Variants in LRBA observed in about 807,000 individuals in gnomAD.
LRBA encodes the protein lipopolysaccharide-responsive and beige-like anchor protein.
Under a neutral mutation model 330.0 loss-of-function variants are expected in LRBA, and 176 were observed. The ratio of observed to expected loss-of-function variants is 0.53; its 90% confidence interval spans 0.47 to 0.60. LRBA has a LOEUF of 0.60. Ranked by LOEUF, LRBA falls within the 20% of genes least tolerant of loss-of-function variation. The probability of loss-of-function intolerance (pLI) is 0.00; values close to 1 mark genes in which losing one functional copy is unlikely to be tolerated. For missense variants in LRBA, 3,259 were observed against 3,444.8 expected (o/e 0.95, Z 1.35); for synonymous variants, 1,230 against 1,193.0 (o/e 1.03, Z -0.64).
intron 41 of LRBA, among the ~76,000 whole-genome samples, chr4:150,489,335 TA>T (rs1160689465): frequency 1.4e-5 from 1 of 72,654 alleles, no homozygotes; most frequent in African/African-American, 6.0e-5. Flanking sequence ...ATATTACATA[TA>T]AGAATATAAA....
intron 34 of LRBA, among the ~76,000 whole-genome samples, chr4:150,792,634 T>G (rs1740126064): frequency 6.6e-6 from 1 of 152,058 alleles, no homozygotes; most frequent in Non-Finnish European, 1.5e-5. Flanking sequence ...GCATCCAGAG[T>G]AGCTAGGTCT....
intron 36 of LRBA, among the ~76,000 whole-genome samples, chr4:150,731,369 G>T (rs1360527232): frequency 6.6e-6 from 1 of 152,128 alleles, no homozygotes; most frequent in Non-Finnish European, 1.5e-5. Context: ...GTTTACAATG[G>T]CTAAGATTTA....
chr4:150,399,369 A>G (rs1233254765), intron 47 of LRBA, among the ~76,000 whole-genome samples: 2 of 152,190 alleles, frequency 1.3e-5, no homozygotes, highest in East Asian at 3.9e-4. Flanking sequence ...AAGATGCTCA[A>G]GCTCTGCTGT....
At chr4:150,494,083 C>G (rs1759280195) in intron 40 of LRBA, among the ~76,000 whole-genome samples, 1 of 151,642 alleles carries the variant, frequency 6.6e-6, no homozygotes, top group Admixed American at 6.6e-5. Context: ...CATCCTGTCT[C>G]TAAAAAAAGA....
chr4:150,562,336 A>T (rs1768469500), intron 40 of LRBA, among the ~76,000 whole-genome samples: 1 of 152,226 alleles, frequency 6.6e-6, no homozygotes, highest in Admixed American at 6.6e-5. Flanking sequence ...AAGGATATAC[A>T]TACATACATA....
At chr4:150,902,888 G>A (rs537036802) in intron 13 of LRBA, among the ~76,000 whole-genome samples, 9 of 152,264 alleles carry the variant, frequency 5.9e-5, no homozygotes, top group Non-Finnish European at 1.3e-4. Flanking sequence ...TCTATCAGCA[G>A]TCAAGACTGA....
In LRBA at chr4:150,953,815, G is replaced by A. The variant is rs546335294; in HGVS notation, c.217-24750C>T. ...TAGGAAGTGAGAAGCGTCTCTGCCCGGCCGCCCATCATCTGGGATGTGAGG... is the reference window on the plus strand; with the variant it reads ...TAGGAAGTGAGAAGCGTCTCTGCCCAGCCGCCCATCATCTGGGATGTGAGG... On this transcript the variant is annotated intron_variant, in intron 2 of 56. Transcript: ENST00000651943. Among the ~76,000 whole-genome samples the A allele has an allele frequency of 3.7e-3, 560 of 150,728 alleles. 2 individuals carry two copies. The highest frequency in any genetic ancestry group is 5.8e-3 in the Non-Finnish European group (390 of 67,664).
chr4:150,766,628 AAT>A (rs1386776111), intron 34 of LRBA, among the ~76,000 whole-genome samples: 1 of 152,192 alleles, frequency 6.6e-6, no homozygotes, highest in Non-Finnish European at 1.5e-5. Context: ...AGTGAGTTTT[AAT>A]AGTTAAAAGA....
Position 150,908,770 on chromosome 4 carries a change from T to C in LRBA, c.1249A>G (p.Ile417Val), listed in dbSNP as rs768845292. 3 of 1,613,840 alleles carry C rather than the reference T, an allele frequency of 1.9e-6. No homozygotes were observed. The highest frequency in any genetic ancestry group is 2.2e-5 in the South Asian group (2 of 91,068). Residue 417 changes from isoleucine to valine, a missense_variant, in exon 10 of 57, where the codon ATT (isoleucine) becomes GTT (valine). By Grantham distance (29) the Ile-to-Val change is conservative (BLOSUM62 3). Coordinates refer to ENST00000651943, the MANE Select transcript of LRBA (RefSeq NM_001364905.1). ...GCCCGTGGATTGTACGTGAATGCAA[T>C]GGCACTAGAGAGTTTCCCATCGTAC... ...LLYDGKLSSAIAFTYNPRATD... is the reference protein window; with the variant it reads ...LLYDGKLSSAVAFTYNPRATD...
chr4:150,583,341 T>C lies in LRBA; in HGVS notation c.6330+4707A>G, dbSNP rs373236286. The C allele has an allele frequency of 4.3e-6, 7 of 1,614,038 alleles. No individual in the cohort carries two copies. Among genetic ancestry groups the C allele is most frequent in the Middle Eastern group, 1.6e-4 (1 of 6,082 alleles). ...GCTGCGCAGTGCTCAAACTGAGCGA[T>C]GGGCGGAAGCGGAGCATGTCTCTCT... On this transcript the variant is annotated intron_variant, in intron 40 of 56. Transcript: ENST00000651943. This position sits in a 1 kb window ranked among gnomAD's most constrained non-coding sequence, Gnocchi z 9.8.
At chr4:150,836,615 T>G (rs1374476313) in intron 28 of LRBA, among the ~76,000 whole-genome samples, 2 of 152,338 alleles carry the variant, frequency 1.3e-5, no homozygotes, top group South Asian at 4.1e-4. Flanking sequence ...GATGGTAATT[T>G]GTATTTCTGT....
chr4:150,436,665 C>T, intron 45 of LRBA, 59 bp downstream of exon 45: 3 of 1,445,796 alleles, frequency 2.1e-6, no homozygotes, highest in Admixed American at 2.2e-5. Flanking sequence ...CTAATTTTTG[C>T]ATATCCTTCA....
At chr4:150,894,764 C>G (rs1408123629) in intron 16 of LRBA, among the ~76,000 whole-genome samples, 1 of 152,116 alleles carries the variant, frequency 6.6e-6, no homozygotes, top group African/African-American at 2.4e-5. Context: ...ACTGTGACTT[C>G]CAGTTTATCT....
chr4:150,751,517 G>C, intron 35 of LRBA, among the ~76,000 whole-genome samples: 1 of 151,638 alleles, frequency 6.6e-6, no homozygotes, highest in South Asian at 2.1e-4. Flanking sequence ...ACAATATTTA[G>C]CAACAGCAAT....
In LRBA at chr4:150,848,859, C is replaced by T. The variant is rs1578987013; in HGVS notation, c.4298G>A (p.Ser1433Asn). The T allele has an allele frequency of 1.2e-6, 2 of 1,611,924 alleles. No homozygotes were observed. Among genetic ancestry groups the T allele is most frequent in the African/African-American group, 1.3e-5 (1 of 74,924 alleles). Reference sequence around the variant, plus strand: ...CCGCAAAATTCCTCCAGATGACATACTTTTTTCAGCTTCAATTTCAGTAAA... The same window carrying T: ...CCGCAAAATTCCTCCAGATGACATATTTTTTTCAGCTTCAATTTCAGTAAA... ...LGFTEIEAEKSMSSGGILRQC... is the reference protein window; with the variant it reads ...LGFTEIEAEKNMSSGGILRQC... Residue 1433 changes from serine (S) to asparagine (N), a missense_variant, in exon 26 of 57, where the codon AGT (serine) becomes AAT (asparagine). Coordinates refer to ENST00000651943, the MANE Select transcript of LRBA (RefSeq NM_001364905.1).
At chr4:150,501,442 C>T (rs1023120015) in intron 40 of LRBA, among the ~76,000 whole-genome samples, 9 of 152,188 alleles carry the variant, frequency 5.9e-5, no homozygotes, top group African/African-American at 2.2e-4. Context: ...AAAACCCCGT[C>T]TCTGCTAAAA....
At chr4:150,964,836 A>C (rs535120845) in intron 2 of LRBA, among the ~76,000 whole-genome samples, 1 of 152,324 alleles carries the variant, frequency 6.6e-6, no homozygotes, top group East Asian at 1.9e-4. Context: ...TAAAATAAAA[A>C]AATTAAAAAA....
At chr4:150,819,323 G>C (rs1745080294) in intron 30 of LRBA, among the ~76,000 whole-genome samples, 1 of 151,678 alleles carries the variant, frequency 6.6e-6, no homozygotes, top group African/African-American at 2.4e-5. Flanking sequence ...ATGATATCAT[G>C]ATGGGGACTT....
Position 150,894,922 on chromosome 4 carries a change from A to G in LRBA, c.2067+1472T>C, listed in dbSNP as rs144843520. On this transcript the variant is annotated intron_variant, in intron 16 of 56. Coordinates refer to ENST00000651943, the MANE Select transcript of LRBA (RefSeq NM_001364905.1). ...TAGAATTGCCTATTCAAGAGGAAAA[A>G]ATATCATAATCATTAATGATTTTAA... is the stretch of plus-strand genomic sequence containing the variant. Among the ~76,000 whole-genome samples, 283 of 152,324 alleles carry G rather than the reference A, an allele frequency of 1.9e-3. 2 individuals carry two copies. The highest frequency in any genetic ancestry group is 6.3e-3 in the African/African-American group (263 of 41,582).
Sources: gnomAD v4.1 joint callset for allele counts (sites outside exome capture counted in the v4.1 genomes callset) on GRCh38, gnomAD v4.1.1 for gene constraint, Gnocchi (gnomAD v3.1) non-coding constraint, MANE v1.5 for transcripts, NCBI Gene and HGNC (gene_info 2026-07-23, HGNC 2026-07-21) for gene names.